Variants in TERT observed in about 807,000 individuals in gnomAD.
The protein encoded by TERT is telomerase catalytic subunit.
Under a neutral mutation model 104.0 loss-of-function variants are expected in TERT, and 42 were observed. The observed-to-expected ratio is 0.40, with a 90% CI of 0.32 to 0.52. The LOEUF is 0.52. Among genes scored for constraint, TERT ranks in the 20% least tolerant of loss-of-function variants. The pLI, the probability that TERT is intolerant of heterozygous loss-of-function variation, is 0.43. For missense variants in TERT, 1,101 were observed against 1,610.3 expected, an observed-to-expected ratio of 0.68 and a Z score of 5.41; for synonymous variants, 781 against 725.6, an observed-to-expected ratio of 1.08 and a Z score of -1.23.
chr5:1,260,359 CTT>C, intron 12 of TERT, 113 bp downstream of exon 12: 1 of 1,529,288 alleles, frequency 6.5e-7, no homozygotes, highest in Non-Finnish European at 9.0e-7. Flanking sequence ...CATGTGCACT[CTT>C]ACGTGCAGCC....
intron 3 of TERT, among the ~76,000 whole-genome samples, chr5:1,281,261 G>C (rs1016057789): frequency 2.0e-5 from 3 of 152,224 alleles, no homozygotes; most frequent in Non-Finnish European, 4.4e-5. Context: ...GGAAAGCCCT[G>C]ACCCTCCCCC....
chr5:1,294,627 T>G lies in TERT; in HGVS notation c.259A>C (p.Arg87=). 6.3e-7 allele frequency: 1 copy of G among 1,596,280 alleles called. No individual in the cohort carries two copies. Among genetic ancestry groups the G allele is most frequent in the Non-Finnish European group, 8.5e-7 (1 of 1,178,970 alleles). ...LKELVARVLQ[R]LCERGAKNVL... is the part of the protein sequence containing the mutation. ...TTCTTCGCGCCGCGCTCGCACAGCC[T>G]CTGCAGCACTCGGGCCACCAGCTCC... The change falls in exon 2 of 16, where the codon AGG becomes CGG. Residue 87 remains arginine (R), a synonymous_variant. Coordinates refer to ENST00000310581, the MANE Select transcript of TERT (RefSeq NM_198253.3).
Position 1,268,031 on chromosome 5 carries a change from C to A in TERT, c.2582+489G>T, listed in dbSNP as rs1356559011. ...AATAAAAGCCAGCTGAGTTGAACCA[C>A]ATTAGGTTGGCACGATATTTAGGTG... On this transcript the variant is annotated intron_variant, in intron 9 of 15. Transcript: ENST00000310581. This position sits in a 1 kb window ranked among gnomAD's most constrained non-coding sequence, Gnocchi z 5.5. Among the ~76,000 whole-genome samples, 1 of 152,032 alleles carries A rather than the reference C, an allele frequency of 6.6e-6. No individual in the cohort carries two copies. Among genetic ancestry groups the A allele is most frequent in the African/African-American group, 2.4e-5 (1 of 41,380 alleles).
Position 1,265,248 on chromosome 5 carries a change from C to T in TERT, c.2655-656G>A, listed in dbSNP as rs1023025991. 3.3e-5 allele frequency among the ~76,000 whole-genome samples: 5 copies of T among 152,172 alleles called. No individual in the cohort carries two copies. The highest frequency in any genetic ancestry group is 7.4e-5 in the Non-Finnish European group (5 of 68,026). ...TGGGCATCCCCTTCCCTTCCTGCGGCCTCTGCTGTGGCCCCGGGCGTCCCC... is the reference window on the plus strand; with the variant it reads ...TGGGCATCCCCTTCCCTTCCTGCGGTCTCTGCTGTGGCCCCGGGCGTCCCC... On this transcript the variant is annotated intron_variant, in intron 10 of 15. Coordinates refer to ENST00000310581, the MANE Select transcript of TERT (RefSeq NM_198253.3). The surrounding 1 kb of genome is among the most constrained non-coding windows in gnomAD (Gnocchi z 6.9).
In TERT at chr5:1,265,264, G is replaced by A. The variant is rs553684897; in HGVS notation, c.2655-672C>T. Among the ~76,000 whole-genome samples, 30 of 152,182 alleles carry A rather than the reference G, an allele frequency of 2.0e-4. No homozygotes were observed. Among genetic ancestry groups the A allele is most frequent in the Non-Finnish European group, 2.2e-4 (15 of 67,990 alleles). On this transcript the variant is annotated intron_variant, in intron 10 of 15. Transcript: ENST00000310581. This position sits in a 1 kb window ranked among gnomAD's most constrained non-coding sequence, Gnocchi z 6.9. ...TTCCTGCGGCCTCTGCTGTGGCCCC[G>A]GGCGTCCCCCTGCCCTTCCTGTGGC... is the stretch of plus-strand genomic sequence containing the variant.
chr5:1,277,235 C>T (rs984048744), intron 6 of TERT, among the ~76,000 whole-genome samples: 2 of 152,200 alleles, frequency 1.3e-5, no homozygotes, highest in African/African-American at 4.8e-5. Context: ...CCCCTGGAAA[C>T]TCCCACAACA....
rs1438297718 is a variant in TERT, at chr5:1,288,054, T to C, written c.1573+5259A>G. ...CTCTACATATCTTGAACATAAACAG[T>C]GTTCAAATAACTCACTGCTCAAAGA... On this transcript the variant is annotated intron_variant, in intron 2 of 15. Coordinates refer to ENST00000310581, the MANE Select transcript of TERT (RefSeq NM_198253.3). This position sits in a 1 kb window ranked among gnomAD's most constrained non-coding sequence, Gnocchi z 5.3. Among the ~76,000 whole-genome samples the C allele has an allele frequency of 1.3e-5, 2 of 152,108 alleles. No homozygotes were observed. Among genetic ancestry groups the C allele is most frequent in the African/African-American group, 2.4e-5 (1 of 41,398 alleles).
chr5:1,281,022 G>A (rs1441226258), intron 3 of TERT, among the ~76,000 whole-genome samples: 1 of 152,188 alleles, frequency 6.6e-6, no homozygotes, highest in Non-Finnish European at 1.5e-5. Context: ...GAGTAGAAAA[G>A]GCACGGTACC....
In TERT at chr5:1,263,148, C is replaced by T. The variant is rs1285997748; in HGVS notation, c.2843+1256G>A. ...CCCATCACGAGGGTGTCCACACCTG[C>T]TGCTCCCCCATGAAGCAAACCCCAG... On this transcript the variant is annotated intron_variant, in intron 11 of 15. Transcript: ENST00000310581. This position sits in a 1 kb window ranked among gnomAD's most constrained non-coding sequence, Gnocchi z 5.3. Among the ~76,000 whole-genome samples, 1 of 152,238 alleles carries T rather than the reference C, an allele frequency of 6.6e-6. No homozygotes were observed. Among genetic ancestry groups the T allele is most frequent in the African/African-American group, 2.4e-5 (1 of 41,458 alleles).
chr5:1,284,181 C>T (rs1750292521), intron 2 of TERT, among the ~76,000 whole-genome samples: 2 of 94,842 alleles, frequency 2.1e-5, no homozygotes, highest in East Asian at 7.6e-4. Flanking sequence ...CGCCGCACAT[C>T]CAGCTCACAG....
Position 1,265,277 on chromosome 5 carries a change from C to T in TERT, c.2655-685G>A, listed in dbSNP as rs1403014833. Among the ~76,000 whole-genome samples the T allele has an allele frequency of 6.6e-6, 1 of 152,162 alleles. No homozygotes were observed. Among genetic ancestry groups the T allele is most frequent in the Non-Finnish European group, 1.5e-5 (1 of 68,002 alleles). On this transcript the variant is annotated intron_variant, in intron 10 of 15. Transcript: ENST00000310581. The surrounding 1 kb of genome is among the most constrained non-coding windows in gnomAD (Gnocchi z 6.9). ...TGCTGTGGCCCCGGGCGTCCCCCTG[C>T]CCTTCCTGTGGCCTGGCCCTGGGAC...
rs1561192692 is a variant in TERT at position 1,263,969 on chromosome 5, CA to C, written c.2843+434del. Among the ~76,000 whole-genome samples, 3 of 152,126 alleles carry C rather than the reference CA, an allele frequency of 2.0e-5. No individual in the cohort carries two copies. Among genetic ancestry groups the C allele is most frequent in the Admixed American group, 1.3e-4 (2 of 15,298 alleles). On this transcript the variant is annotated intron_variant, in intron 11 of 15. Coordinates refer to ENST00000310581, the MANE Select transcript of TERT (RefSeq NM_198253.3). This position sits in a 1 kb window ranked among gnomAD's most constrained non-coding sequence, Gnocchi z 5.3. ...GGCTCACAGCGGAGAGACTCACGCC[CA>C]AAAGGGCCCTGAAGTCTCTGGGTTC... is the stretch of plus-strand genomic sequence containing the variant.
At chr5:1,280,433 G>A (rs1252418187) in intron 3 of TERT, 95 bp from the exon 4 acceptor site, 1 of 1,379,358 alleles carries the variant, frequency 7.2e-7, no homozygotes, top group Non-Finnish European at 1.0e-6. Flanking sequence ...ACTCAGTGAG[G>A]GCTCAGGGCA....
chr5:1,255,137 G>A lies in TERT; in HGVS notation c.3157+150C>T, dbSNP rs377590142. 45 of 979,718 alleles carry A rather than the reference G, an allele frequency of 4.6e-5. No individual in the cohort carries two copies. Among genetic ancestry groups the A allele is most frequent in the Middle Eastern group, 3.1e-4 (1 of 3,224 alleles). The allele number at this position is 979,718 out of a possible 1,614,324, so 60.7% of individuals were successfully genotyped here. A position where few individuals can be genotyped will look rare whatever the true frequency, so the allele number is the denominator to read the frequency against. On this transcript the variant is annotated intron_variant, in intron 14 of 15. Coordinates refer to ENST00000310581, the MANE Select transcript of TERT (RefSeq NM_198253.3). This position sits in a 1 kb window ranked among gnomAD's most constrained non-coding sequence, Gnocchi z 6.9. ...TGCTCTGCTCACCCCACGAGAGGGC[G>A]GGCAGACGAGCCTGACAGTGGTTGG...
chr5:1,272,656 C>T (rs112426538), intron 6 of TERT, among the ~76,000 whole-genome samples: 690 of 37,684 alleles, frequency 0.018, no homozygotes, highest in Middle Eastern at 0.079. Context: ...CATCAGACCC[C>T]ACGACCGCCA....
At position 1,265,245 on chromosome 5, in the gene TERT, C is replaced by T. The variant is rs376654585; in HGVS notation, c.2655-653G>A. Among the ~76,000 whole-genome samples the T allele has an allele frequency of 2.6e-5, 4 of 152,132 alleles. No individual in the cohort carries two copies. The highest frequency in any genetic ancestry group is 4.4e-5 in the Non-Finnish European group (3 of 68,014). On this transcript the variant is annotated intron_variant, in intron 10 of 15. Transcript: ENST00000310581. The surrounding 1 kb of genome is among the most constrained non-coding windows in gnomAD (Gnocchi z 6.9). ...GCCTGGGCATCCCCTTCCCTTCCTG[C>T]GGCCTCTGCTGTGGCCCCGGGCGTC...
intron 13 of TERT, 64 bp downstream of exon 13, chr5:1,258,534 C>A (rs1747918819): frequency 6.9e-7 from 1 of 1,451,042 alleles, no homozygotes. Flanking sequence ...AGCCCCGGGT[C>A]AGAGGTGAGC....
At chr5:1,258,376 C>T (rs538747882) in intron 13 of TERT, among the ~76,000 whole-genome samples, 70 of 152,392 alleles carry the variant, frequency 4.6e-4, no homozygotes, top group African/African-American at 1.6e-3. Context: ...AGTGGGGACA[C>T]CTGGGGCCAC....
chr5:1,291,394 GCGCC>G (rs1561211970), intron 2 of TERT, among the ~76,000 whole-genome samples: 3 of 32,620 alleles, frequency 9.2e-5, no homozygotes, highest in Non-Finnish European at 1.1e-4. Context: ...CCCGGGGACA[GCGCC>G]TCACTCACCC....
Sources: gnomAD v4.1 joint callset for allele counts (sites outside exome capture counted in the v4.1 genomes callset) on GRCh38, gnomAD v4.1.1 for gene constraint, Gnocchi (gnomAD v3.1) non-coding constraint, MANE v1.5 for transcripts, NCBI Gene and HGNC (gene_info 2026-07-23, HGNC 2026-07-21) for gene names.